PCDH9: variants seen among roughly 807,000 people sequenced by gnomAD.
PCDH9 encodes the protein protocadherin 9.
PCDH9 carries 24 observed loss-of-function variants against 70.6 expected under a neutral mutation model. The observed-to-expected ratio is 0.34, with a 90% CI of 0.25 to 0.48. The LOEUF (loss-of-function observed/expected upper bound fraction) is 0.48. Among genes scored for constraint, PCDH9 ranks in the 20% least tolerant of loss-of-function variants. The probability of loss-of-function intolerance (pLI) is 0.99; values close to 1 mark genes in which losing one functional copy is unlikely to be tolerated. For synonymous variants in PCDH9, 562 were observed against 558.5 expected (o/e 1.01, Z -0.09); for missense variants, 1,281 against 1,503.6 (o/e 0.85, Z 2.45).
chr13:66,698,031 A>G (rs2078587377), intron 3 of PCDH9, among the ~76,000 whole-genome samples: 1 of 152,182 alleles, frequency 6.6e-6, no homozygotes. Flanking sequence ...ACATGAAAGG[A>G]TAAATGCTGT....
chr13:66,535,854 A>C (rs992162800), intron 4 of PCDH9, among the ~76,000 whole-genome samples: 2 of 152,020 alleles, frequency 1.3e-5, no homozygotes, highest in Admixed American at 6.6e-5. Flanking sequence ...AGCCCCCACT[A>C]TAACTACAAA....
intron 2 of PCDH9, among the ~76,000 whole-genome samples, chr13:66,994,111 G>A (rs1008251977): frequency 6.6e-6 from 1 of 152,134 alleles, no homozygotes; most frequent in Non-Finnish European, 1.5e-5. Context: ...GAAGGATTTC[G>A]GAGTTATCAG....
intron 3 of PCDH9, among the ~76,000 whole-genome samples, chr13:66,763,328 T>C (rs765820777): frequency 1.3e-5 from 2 of 151,946 alleles, no homozygotes; most frequent in Non-Finnish European, 2.9e-5. Context: ...ATAGTTATAT[T>C]GAAAGATAAA....
intron 2 of PCDH9, among the ~76,000 whole-genome samples, chr13:67,008,654 T>C (rs1427073151): frequency 6.6e-6 from 1 of 152,120 alleles, no homozygotes; most frequent in Non-Finnish European, 1.5e-5. Flanking sequence ...TCTTCTACTG[T>C]CCAAAAAGAA....
At chr13:66,879,381 T>A (rs1267825053) in intron 3 of PCDH9, among the ~76,000 whole-genome samples, 1 of 152,126 alleles carries the variant, frequency 6.6e-6, no homozygotes, top group African/African-American at 2.4e-5. Flanking sequence ...CTCCAAAATG[T>A]ATTCTTATAT....
At chr13:67,130,976 C>A (rs187429108) in intron 2 of PCDH9, among the ~76,000 whole-genome samples, 19 of 152,150 alleles carry the variant, frequency 1.2e-4, no homozygotes, top group African/African-American at 3.9e-4. Context: ...AAGACTATTA[C>A]AATAGTTTTT....
intron 2 of PCDH9, among the ~76,000 whole-genome samples, chr13:66,995,558 G>A (rs2084096586): frequency 1.3e-5 from 2 of 152,154 alleles, no homozygotes; most frequent in African/African-American, 2.4e-5. Context: ...TTGAGGTTGG[G>A]TTAGGAAGTT....
intron 4 of PCDH9, among the ~76,000 whole-genome samples, chr13:66,317,959 C>A (rs908925392): frequency 6.6e-6 from 1 of 151,984 alleles, no homozygotes; most frequent in Non-Finnish European, 1.5e-5. Flanking sequence ...AAAAACTACT[C>A]TAAAATGGGA....
At chr13:66,568,794 T>C (rs1389669346) in intron 4 of PCDH9, among the ~76,000 whole-genome samples, 2 of 151,916 alleles carry the variant, frequency 1.3e-5, no homozygotes, top group Non-Finnish European at 2.9e-5. Context: ...TAGGTGCATC[T>C]TGAACAACAT....
At chr13:67,003,278 T>C (rs979966298) in intron 2 of PCDH9, among the ~76,000 whole-genome samples, 1 of 152,220 alleles carries the variant, frequency 6.6e-6, no homozygotes, top group African/African-American at 2.4e-5. Flanking sequence ...ATAACTTCCT[T>C]GCAACAAAGG....
chr13:66,318,326 GAA>G (rs1174963015), intron 4 of PCDH9, among the ~76,000 whole-genome samples: 1 of 152,126 alleles, frequency 6.6e-6, no homozygotes, highest in Non-Finnish European at 1.5e-5. Context: ...TTTGACAAAA[GAA>G]GAGAAATTGT....
intron 3 of PCDH9, among the ~76,000 whole-genome samples, chr13:66,773,793 T>C (rs2079848014): frequency 6.6e-6 from 1 of 151,726 alleles, no homozygotes; most frequent in Admixed American, 6.6e-5. Context: ...TTCTTTTTTT[T>C]TTTAGACGGA....
chr13:67,068,339 C>A (rs2138146878), intron 2 of PCDH9, among the ~76,000 whole-genome samples: 1 of 151,662 alleles, frequency 6.6e-6, no homozygotes, highest in South Asian at 2.1e-4. Flanking sequence ...AAGCAGTGAT[C>A]AACAAAAGTT....
chr13:66,780,387 G>T (rs1442009), intron 3 of PCDH9, among the ~76,000 whole-genome samples: 2,251 of 152,242 alleles, frequency 0.015, 66 homozygotes, highest in African/African-American at 0.051. Flanking sequence ...ATATGAGGCT[G>T]TGCAGAGTAT....
chr13:66,686,049 G>A (rs951397895), intron 3 of PCDH9, among the ~76,000 whole-genome samples: 1 of 152,142 alleles, frequency 6.6e-6, no homozygotes, highest in Non-Finnish European at 1.5e-5. Context: ...CTGTTGGAAA[G>A]GCATGATTGT....
intron 4 of PCDH9, among the ~76,000 whole-genome samples, chr13:66,538,236 TAGAA>T (rs1323852898): frequency 6.6e-6 from 1 of 152,100 alleles, no homozygotes; most frequent in Non-Finnish European, 1.5e-5. Flanking sequence ...AACATGCACA[TAGAA>T]AGCAATTAAG....
intron 3 of PCDH9, among the ~76,000 whole-genome samples, chr13:66,875,866 T>C (rs1036924892): frequency 1.7e-4 from 26 of 152,302 alleles, no homozygotes; most frequent in African/African-American, 6.3e-4. Flanking sequence ...ACTTGCCTTT[T>C]TCCCTAAATA....
At chr13:66,969,517 C>A (rs981446470) in intron 2 of PCDH9, among the ~76,000 whole-genome samples, 1 of 151,996 alleles carries the variant, frequency 6.6e-6, no homozygotes, top group African/African-American at 2.4e-5. Context: ...TCTTGAATTT[C>A]AATAGTATGA....
At chr13:66,341,408 G>A (rs1043953850) in intron 4 of PCDH9, among the ~76,000 whole-genome samples, 1 of 152,108 alleles carries the variant, frequency 6.6e-6, no homozygotes, top group Non-Finnish European at 1.5e-5. Context: ...TGCTTTAAAA[G>A]AAGATACTTG....
Sources: gnomAD v4.1 joint callset for allele counts (sites outside exome capture counted in the v4.1 genomes callset) on GRCh38, gnomAD v4.1.1 for gene constraint, MANE v1.5 for transcripts, NCBI Gene and HGNC (gene_info 2026-07-23, HGNC 2026-07-21) for gene names.